The following SH3RF3 variants were observed in gnomAD, a reference collection of about 807,000 sequenced individuals.
SH3RF3 encodes the protein E3 ubiquitin-protein ligase SH3RF3.
SH3RF3 carries 29 observed loss-of-function variants against 66.3 expected under a neutral mutation model. The observed-to-expected ratio is 0.44, with a 90% confidence interval of 0.33 to 0.60. The LOEUF is 0.60. Among genes scored for constraint, SH3RF3 ranks in the 20% least tolerant of loss-of-function variants. The pLI, the probability that SH3RF3 is intolerant of heterozygous loss-of-function variation, is 0.04. For missense variants in SH3RF3, 1,194 were observed against 1,190.9 expected, an observed-to-expected ratio of 1.00 and a Z score of -0.04; for synonymous variants, 583 against 532.0, an observed-to-expected ratio of 1.10 and a Z score of -1.32.
At chr2:109,317,553 G>A (rs1374017198) in intron 1 of SH3RF3, among the ~76,000 whole-genome samples, 1 of 152,144 alleles carries the variant, frequency 6.6e-6, no homozygotes. Flanking sequence ...TGCCGGGCCT[G>A]CCTCATCTCT....
At chr2:109,412,307 T>C (rs1200698519) in intron 4 of SH3RF3, among the ~76,000 whole-genome samples, 1 of 152,196 alleles carries the variant, frequency 6.6e-6, no homozygotes, top group Non-Finnish European at 1.5e-5. Context: ...CTCCAGGACA[T>C]TGGGAGGTGG....
At chr2:109,384,301 T>C (rs777373327) in intron 3 of SH3RF3, among the ~76,000 whole-genome samples, 35 of 152,088 alleles carry the variant, frequency 2.3e-4, no homozygotes, top group Non-Finnish European at 5.0e-4. Context: ...CTGGAGGGGA[T>C]TCTACTCTCC....
intron 4 of SH3RF3, among the ~76,000 whole-genome samples, chr2:109,400,483 G>A (rs147149922): frequency 2.0e-4 from 31 of 151,426 alleles, no homozygotes; most frequent in Admixed American, 1.8e-3. Context: ...GCACACACAT[G>A]CGTACAGGTG....
intron 1 of SH3RF3, among the ~76,000 whole-genome samples, chr2:109,322,978 CTG>C (rs1484020423): frequency 6.6e-6 from 1 of 152,204 alleles, no homozygotes; most frequent in Non-Finnish European, 1.5e-5. Context: ...CCAAATCTGA[CTG>C]TGGGCAAGGC....
chr2:109,488,361 C>A (rs772038917), intron 8 of SH3RF3, among the ~76,000 whole-genome samples: 1 of 152,214 alleles, frequency 6.6e-6, no homozygotes, highest in Non-Finnish European at 1.5e-5. Flanking sequence ...CCCCTGGAGG[C>A]AAGGTCACCC....
intron 4 of SH3RF3, among the ~76,000 whole-genome samples, chr2:109,416,420 C>A (rs1428458121): frequency 6.6e-6 from 1 of 151,908 alleles, no homozygotes; most frequent in Non-Finnish European, 1.5e-5. Context: ...CATGGCGAAA[C>A]CCCCCCGTTT....
intron 1 of SH3RF3, among the ~76,000 whole-genome samples, chr2:109,198,546 A>T (rs1678561411): frequency 6.6e-6 from 1 of 152,142 alleles, no homozygotes; most frequent in Admixed American, 6.5e-5. Flanking sequence ...TTTCTGTGAG[A>T]TGTTTGTTTC....
At chr2:109,360,967 T>C (rs1405954272) in intron 2 of SH3RF3, among the ~76,000 whole-genome samples, 1 of 152,242 alleles carries the variant, frequency 6.6e-6, no homozygotes, top group Non-Finnish European at 1.5e-5. Context: ...AGGTTATTTG[T>C]AGATGTTCTT....
chr2:109,282,758 G>A (rs1428261373), intron 1 of SH3RF3, among the ~76,000 whole-genome samples: 1 of 152,210 alleles, frequency 6.6e-6, no homozygotes, highest in Admixed American at 6.5e-5. Context: ...AACGGCCAAA[G>A]GAGAAAGCTG....
rs918346933 is a variant in SH3RF3 at position 109,145,115 on chromosome 2, C to T, written c.573+15002C>T. Among the ~76,000 whole-genome samples, 15 of 152,302 alleles carry T rather than the reference C, an allele frequency of 9.8e-5. No individual in the cohort carries two copies. The East Asian group carries it at 2.3e-3, about 24-fold the overall frequency. ...GAGTCATCTCTGAGTCTTCCCTCAC[C>T]GGCTCTGTCTGTGTCTCCAGGTTTG... On this transcript the variant is annotated intron_variant, in intron 1 of 9. Transcript: ENST00000309415.
chr2:109,450,942 T>C (rs1209077579), intron 8 of SH3RF3, among the ~76,000 whole-genome samples: 1 of 152,238 alleles, frequency 6.6e-6, no homozygotes, highest in Admixed American at 6.5e-5. Flanking sequence ...GGACAGCCTC[T>C]CTCTCTTTCT....
At chr2:109,295,402 A>G (rs1681284534) in intron 1 of SH3RF3, among the ~76,000 whole-genome samples, 1 of 152,216 alleles carries the variant, frequency 6.6e-6, no homozygotes, top group African/African-American at 2.4e-5. Context: ...CCTGGCTCTG[A>G]AGTCTTCAGT....
At chr2:109,448,432 T>C (rs1677768171) in intron 7 of SH3RF3, among the ~76,000 whole-genome samples, 1 of 152,154 alleles carries the variant, frequency 6.6e-6, no homozygotes, top group Non-Finnish European at 1.5e-5. Flanking sequence ...GAAAACTTCA[T>C]CTGTATTTAC....
chr2:109,274,004 GT>G (rs1268589634), intron 1 of SH3RF3, among the ~76,000 whole-genome samples: 1 of 152,164 alleles, frequency 6.6e-6, no homozygotes, highest in African/African-American at 2.4e-5. Flanking sequence ...ACTTACCATA[GT>G]TCTGGGCTTA....
intron 1 of SH3RF3, among the ~76,000 whole-genome samples, chr2:109,336,406 T>C (rs139744549): frequency 6.6e-6 from 1 of 152,220 alleles, no homozygotes; most frequent in Non-Finnish European, 1.5e-5. Context: ...CTCACTAGCA[T>C]GCAAAATACA....
intron 2 of SH3RF3, among the ~76,000 whole-genome samples, chr2:109,361,367 G>T (rs1683047842): frequency 6.6e-6 from 1 of 152,178 alleles, no homozygotes; most frequent in Admixed American, 6.5e-5. Context: ...GCGAAGTATT[G>T]AGATTGTAGA....
chr2:109,161,777 C>T (rs574600730), intron 1 of SH3RF3, among the ~76,000 whole-genome samples: 1 of 152,040 alleles, frequency 6.6e-6, no homozygotes, highest in Admixed American at 6.5e-5. Flanking sequence ...AGAGCTCACT[C>T]ACCACCACCC....
intron 4 of SH3RF3, among the ~76,000 whole-genome samples, chr2:109,399,171 A>G (rs2104441860): frequency 6.6e-6 from 1 of 152,032 alleles, no homozygotes; most frequent in Admixed American, 6.5e-5. Flanking sequence ...GTGGTGTGTG[A>G]GCTGATTTTC....
At chr2:109,296,085 G>T (rs564880645) in intron 1 of SH3RF3, among the ~76,000 whole-genome samples, 85 of 152,110 alleles carry the variant, frequency 5.6e-4, no homozygotes, top group African/African-American at 2.0e-3. Context: ...AGCCAGGTTG[G>T]CCCCCCAGAA....
Sources: allele counts gnomAD v4.1 joint callset (sites outside exome capture counted in the v4.1 genomes callset), GRCh38; gene constraint gnomAD v4.1.1; transcripts MANE v1.5; gene names NCBI Gene and HGNC (gene_info 2026-07-23, HGNC 2026-07-21).